Variants in EIPR1 observed in about 807,000 individuals in gnomAD.
The protein encoded by EIPR1 is EARP and GARP complex-interacting protein 1.
Under a neutral mutation model 48.1 loss-of-function variants are expected in EIPR1, and 25 were observed. The ratio of observed to expected loss-of-function variants is 0.52; its 90% CI spans 0.38 to 0.73. The LOEUF (loss-of-function observed/expected upper bound fraction) is 0.73. Among genes scored for constraint, EIPR1 ranks in the 30% least tolerant of loss-of-function variants. EIPR1 has a pLI of 0.00. For missense variants in EIPR1, 415 were observed against 506.2 expected (o/e 0.82, Z 1.73); for synonymous variants, 204 against 201.9 (o/e 1.01, Z -0.09).
chr2:3,320,037 GC>G (rs1669472594), intron 3 of EIPR1: 1 of 183,724 alleles, frequency 5.4e-6, no homozygotes, highest in Non-Finnish European at 1.1e-5. Flanking sequence ...TACTGCACCT[GC>G]GGGCAACACC....
intron 3 of EIPR1, among the ~76,000 whole-genome samples, chr2:3,263,787 G>A (rs1413126632): frequency 6.6e-6 from 1 of 152,190 alleles, no homozygotes; most frequent in African/African-American, 2.4e-5. Context: ...ACAGAGGCCT[G>A]GAACCCAGTA....
At chr2:3,209,278 C>A (rs1295504786) in intron 5 of EIPR1, among the ~76,000 whole-genome samples, 3 of 152,164 alleles carry the variant, frequency 2.0e-5, no homozygotes, top group Non-Finnish European at 4.4e-5. Context: ...GAAACACCAC[C>A]AAATAAGGCC....
chr2:3,337,853 C>T (rs1670113787), intron 3 of EIPR1, among the ~76,000 whole-genome samples, 164 bp downstream of exon 3: 1 of 152,328 alleles, frequency 6.6e-6, no homozygotes, highest in Non-Finnish European at 1.5e-5. Flanking sequence ...ATAATTTCTG[C>T]AAACATCTAC....
chr2:3,322,766 A>G (rs1299722635), intron 3 of EIPR1, among the ~76,000 whole-genome samples: 1 of 152,220 alleles, frequency 6.6e-6, no homozygotes, highest in Non-Finnish European at 1.5e-5. Flanking sequence ...CCGCCCTTGC[A>G]CTGCGCAGGT....
intron 3 of EIPR1, among the ~76,000 whole-genome samples, chr2:3,264,175 T>A (rs1667419165): frequency 6.6e-6 from 1 of 152,190 alleles, no homozygotes; most frequent in Non-Finnish European, 1.5e-5. Context: ...GCCTCTGTTA[T>A]CACCTGCTCT....
chr2:3,264,007 A>G (rs113294207), intron 3 of EIPR1, among the ~76,000 whole-genome samples: 2,742 of 152,362 alleles, frequency 0.018, 76 homozygotes, highest in African/African-American at 0.063. Context: ...ATTTTCAAGT[A>G]TATGATACAT....
At chr2:3,201,347 G>A (rs1223201383) in intron 5 of EIPR1, among the ~76,000 whole-genome samples, 1 of 152,218 alleles carries the variant, frequency 6.6e-6, no homozygotes, top group African/African-American at 2.4e-5. Flanking sequence ...TGGCGGAGGG[G>A]GGATGTTAAC....
intron 3 of EIPR1, among the ~76,000 whole-genome samples, chr2:3,275,560 T>A (rs1026090168): frequency 1.3e-5 from 2 of 152,126 alleles, no homozygotes; most frequent in Non-Finnish European, 2.9e-5. Flanking sequence ...ATCCATACGA[T>A]ATACCATTAA....
At chr2:3,369,729 C>T (rs775447967) in intron 1 of EIPR1, among the ~76,000 whole-genome samples, 7 of 152,334 alleles carry the variant, frequency 4.6e-5, no homozygotes, top group South Asian at 2.1e-4. Context: ...ACAAAGCAGC[C>T]GGGAAGCTCG....
intron 1 of EIPR1, among the ~76,000 whole-genome samples, chr2:3,369,902 G>A (rs1313791054): frequency 6.6e-6 from 1 of 152,156 alleles, no homozygotes; most frequent in African/African-American, 2.4e-5. Flanking sequence ...CCAGCACGCA[G>A]CTGGAGATCT....
At chr2:3,309,140 T>C (rs1175610463) in intron 3 of EIPR1, among the ~76,000 whole-genome samples, 1 of 152,076 alleles carries the variant, frequency 6.6e-6, no homozygotes. Context: ...GGCGAAAAAA[T>C]TACACCACCA....
At position 3,189,197 on chromosome 2, in the gene EIPR1, G is replaced by T; in HGVS notation, c.*137C>A. 3 of 922,572 alleles carry T rather than the reference G, an allele frequency of 3.3e-6. No individual in the cohort carries two copies. Among genetic ancestry groups the T allele is most frequent in the Non-Finnish European group, 4.6e-6 (3 of 652,520 alleles). The allele number at this position is 922,572 out of a possible 1,614,324, so 57.1% of individuals were successfully genotyped here. ...ATTCACCCCATTCATAAATGCTGCT[G>T]CTACAGGAAGGGAACAGCGGCTCTC... is the stretch of plus-strand genomic sequence containing the variant. On this transcript the variant is annotated 3_prime_UTR_variant, in exon 9 of 9. Transcript: ENST00000382125. The surrounding 1 kb of genome is among the most constrained non-coding windows in gnomAD (Gnocchi z 4.6).
At position 3,189,933 on chromosome 2, in the gene EIPR1, A is replaced by G. The variant is rs1664545607; in HGVS notation, c.990-425T>C. ...CGCCCCTATTGCTTGAGCAGAAAGG[A>G]CCCTGGGAAGCAGCGGGTCCAGCTC... is the stretch of plus-strand genomic sequence containing the variant. On this transcript the variant is annotated intron_variant, in intron 8 of 8. Transcript: ENST00000382125. This position sits in a 1 kb window ranked among gnomAD's most constrained non-coding sequence, Gnocchi z 4.6. Among the ~76,000 whole-genome samples, 1 of 151,996 alleles carries G rather than the reference A, an allele frequency of 6.6e-6. No homozygotes were observed. Among genetic ancestry groups the G allele is most frequent in the Non-Finnish European group, 1.5e-5 (1 of 67,978 alleles).
At chr2:3,318,674 T>C (rs1305317546) in intron 3 of EIPR1, among the ~76,000 whole-genome samples, 1 of 152,210 alleles carries the variant, frequency 6.6e-6, no homozygotes, top group Non-Finnish European at 1.5e-5. Context: ...ACGTCCTTCA[T>C]ATCCAGAACC....
chr2:3,214,351 T>C, intron 4 of EIPR1, 103 bp from the exon 5 acceptor site: 1 of 1,075,536 alleles, frequency 9.3e-7, no homozygotes, highest in East Asian at 2.5e-5. Flanking sequence ...GGAAATCTTT[T>C]CCGGCCTGTA....
chr2:3,352,734 C>T (rs778333813), intron 2 of EIPR1, among the ~76,000 whole-genome samples: 26 of 152,244 alleles, frequency 1.7e-4, no homozygotes, highest in Admixed American at 8.5e-4. Context: ...CAGTGGCTCA[C>T]GCCTGTAATC....
chr2:3,198,269 C>G (rs1443857050), intron 5 of EIPR1, among the ~76,000 whole-genome samples: 1 of 152,254 alleles, frequency 6.6e-6, no homozygotes, highest in Non-Finnish European at 1.5e-5. Context: ...GAGGTGGCCA[C>G]TGGGAGGCGT....
At chr2:3,234,945 A>G (rs1453030296) in intron 4 of EIPR1, among the ~76,000 whole-genome samples, 6 of 152,226 alleles carry the variant, frequency 3.9e-5, no homozygotes, top group Admixed American at 1.3e-4. Flanking sequence ...ATCTGTCATC[A>G]GTTTTTCCTT....
chr2:3,309,706 G>A (rs529612985), intron 3 of EIPR1, among the ~76,000 whole-genome samples: 2 of 152,280 alleles, frequency 1.3e-5, no homozygotes, highest in East Asian at 1.9e-4. Flanking sequence ...GCCGGCGCTC[G>A]ACCAGGACCA....
Sources: allele counts gnomAD v4.1 joint callset (sites outside exome capture counted in the v4.1 genomes callset), GRCh38; gene constraint gnomAD v4.1.1; non-coding constraint Gnocchi (gnomAD v3.1); transcripts MANE v1.5; gene names NCBI Gene and HGNC (gene_info 2026-07-23, HGNC 2026-07-21).